Variants in FBXO42 observed in about 807,000 individuals in gnomAD.
FBXO42 encodes the protein F-box protein 42, also known as F-box only protein 42.
In FBXO42, 12 loss-of-function variants were observed where a neutral mutation model predicts 71.7. The observed-to-expected ratio is 0.17, with a 90% confidence interval of 0.11 to 0.27. FBXO42 has a LOEUF of 0.27. Ranked by LOEUF, FBXO42 falls within the 10% of genes least tolerant of loss-of-function variation. FBXO42 has a pLI of 1.00. For synonymous variants in FBXO42, 325 were observed against 327.5 expected, an observed-to-expected ratio of 0.99 and a Z score of 0.08; for missense variants, 707 against 911.9, an observed-to-expected ratio of 0.78 and a Z score of 2.89.
intron 1 of FBXO42, among the ~76,000 whole-genome samples, chr1:16,324,389 A>G (rs574723255): frequency 6.6e-5 from 10 of 152,310 alleles, no homozygotes; most frequent in Admixed American, 6.5e-4. Context: ...ATAAATTAAT[A>G]ATACCAACAC....
intron 5 of FBXO42, among the ~76,000 whole-genome samples, 172 bp from the exon 6 acceptor site, chr1:16,255,993 A>T (rs1247407496): frequency 1.3e-5 from 2 of 152,226 alleles, no homozygotes; most frequent in Non-Finnish European, 2.9e-5. Context: ...AAGTTTGCTT[A>T]AAGTTATCTT....
chr1:16,287,205 C>G (rs191310563), intron 4 of FBXO42, among the ~76,000 whole-genome samples: 1 of 152,324 alleles, frequency 6.6e-6, no homozygotes, highest in African/African-American at 2.4e-5. Context: ...AAGCACACTC[C>G]CAACTCTGGG....
chr1:16,281,608 A>G (rs895157250), intron 4 of FBXO42, among the ~76,000 whole-genome samples: 1 of 151,000 alleles, frequency 6.6e-6, no homozygotes, highest in Non-Finnish European at 1.5e-5. Context: ...AGCTTGGACT[A>G]CAGGTATGGA....
chr1:16,350,757 A>AGG (rs1553156684), intron 1 of FBXO42, among the ~76,000 whole-genome samples: 1 of 44,248 alleles, frequency 2.3e-5, no homozygotes, highest in Non-Finnish European at 4.1e-5. Flanking sequence ...AAAAAAAAAA[A>AGG]AAAGAAAGAA....
chr1:16,268,421 C>T (rs373034537), intron 4 of FBXO42, among the ~76,000 whole-genome samples: 3 of 152,082 alleles, frequency 2.0e-5, no homozygotes, highest in African/African-American at 7.2e-5. Context: ...TCTAAATAAA[C>T]AAGAAGGATT....
chr1:16,268,135 TA>T (rs1557575613), intron 4 of FBXO42, among the ~76,000 whole-genome samples: 1 of 149,988 alleles, frequency 6.7e-6, no homozygotes, highest in East Asian at 2.0e-4. Context: ...GTGGGGGGCA[TA>T]GGGGGTACTC....
chr1:16,276,050 C>A (rs916855043), intron 4 of FBXO42, among the ~76,000 whole-genome samples: 1 of 151,984 alleles, frequency 6.6e-6, no homozygotes, highest in Non-Finnish European at 1.5e-5. Context: ...ACAGCTCTTA[C>A]CCACCTAGGA....
At chr1:16,311,370 C>T (rs2082310350) in intron 2 of FBXO42, among the ~76,000 whole-genome samples, 1 of 150,224 alleles carries the variant, frequency 6.7e-6, no homozygotes, top group Non-Finnish European at 1.5e-5. Flanking sequence ...CACTTGTAGT[C>T]CCAGCCACTT....
At chr1:16,299,896 GC>G (rs1204046081) in intron 3 of FBXO42, among the ~76,000 whole-genome samples, 1 of 152,094 alleles carries the variant, frequency 6.6e-6, no homozygotes, top group Non-Finnish European at 1.5e-5. Flanking sequence ...ACCTGCCTTG[GC>G]CTCCCAAAGT....
chr1:16,331,977 A>C (rs1438040450), intron 1 of FBXO42, among the ~76,000 whole-genome samples: 1 of 152,032 alleles, frequency 6.6e-6, no homozygotes, highest in Non-Finnish European at 1.5e-5. Context: ...TGAACCTGTG[A>C]GGTGAAGGTT....
intron 1 of FBXO42, among the ~76,000 whole-genome samples, chr1:16,317,209 G>A (rs1425496470): frequency 2.6e-5 from 4 of 152,156 alleles, no homozygotes; most frequent in Non-Finnish European, 5.9e-5. Flanking sequence ...TCTGAGGTCA[G>A]GAGTTCAAGA....
intron 4 of FBXO42, among the ~76,000 whole-genome samples, chr1:16,261,715 T>C (rs902317976): frequency 1.3e-5 from 2 of 152,018 alleles, no homozygotes; most frequent in Non-Finnish European, 2.9e-5. Flanking sequence ...TTTTTTTTTT[T>C]TGTTTTTGAG....
chr1:16,323,756 C>G (rs1456056819), intron 1 of FBXO42, among the ~76,000 whole-genome samples: 2 of 140,258 alleles, frequency 1.4e-5, no homozygotes, highest in East Asian at 4.3e-4. Flanking sequence ...TACCACTGCA[C>G]TCCAAGGTGG....
At chr1:16,337,421 T>G (rs2082561170) in intron 1 of FBXO42, among the ~76,000 whole-genome samples, 1 of 152,148 alleles carries the variant, frequency 6.6e-6, no homozygotes, top group Non-Finnish European at 1.5e-5. Flanking sequence ...GAGGAACATA[T>G]TATCAATTCT....
intron 1 of FBXO42, among the ~76,000 whole-genome samples, chr1:16,346,908 A>AT (rs1455550123): frequency 6.6e-6 from 1 of 150,798 alleles, no homozygotes; most frequent in Non-Finnish European, 1.5e-5. Flanking sequence ...GCACACACTA[A>AT]TTTTTGTATT....
At chr1:16,272,610 T>A (rs2081858765) in intron 4 of FBXO42, among the ~76,000 whole-genome samples, 1 of 152,122 alleles carries the variant, frequency 6.6e-6, no homozygotes, top group Admixed American at 6.6e-5. Context: ...AACAAGAGTA[T>A]GCACAAAGGT....
At chr1:16,308,000 C>T (rs918746406) in intron 2 of FBXO42, among the ~76,000 whole-genome samples, 3 of 152,146 alleles carry the variant, frequency 2.0e-5, no homozygotes, top group South Asian at 2.1e-4. Context: ...AGGAGGAGAA[C>T]AAAGTCAGAA....
chr1:16,287,980 A>G (rs2082039040), intron 4 of FBXO42, among the ~76,000 whole-genome samples: 1 of 152,102 alleles, frequency 6.6e-6, no homozygotes, highest in East Asian at 1.9e-4. Context: ...CCCTGTCTCT[A>G]CTAAAAATAC....
At chr1:16,308,740 G>GTTTTTTTT (rs35488648) in intron 2 of FBXO42, among the ~76,000 whole-genome samples, 40 of 80,638 alleles carry the variant, frequency 5.0e-4, no homozygotes, top group Non-Finnish European at 7.1e-4. Context: ...CCCCATCTCT[G>GTTTTTTTT]TTTTTTTTTT....
Sources: allele counts gnomAD v4.1 joint callset (sites outside exome capture counted in the v4.1 genomes callset), GRCh38; gene constraint gnomAD v4.1.1; transcripts MANE v1.5; gene names NCBI Gene and HGNC (gene_info 2026-07-23, HGNC 2026-07-21).